ABL2: variants seen among roughly 807,000 people sequenced by gnomAD.
The protein encoded by ABL2 is ABL proto-oncogene 2, non-receptor tyrosine kinase, also known as tyrosine-protein kinase ABL2.
In ABL2, 49 loss-of-function variants were observed where a neutral mutation model predicts 107.7. The ratio of observed to expected loss-of-function variants is 0.45; its 90% CI spans 0.36 to 0.58. The LOEUF (loss-of-function observed/expected upper bound fraction) is 0.58, where lower values mean the gene tolerates loss of function less well. Among genes scored for constraint, ABL2 ranks in the 20% least tolerant of loss-of-function variants. The probability of loss-of-function intolerance (pLI) is 0.00; values close to 1 mark genes in which losing one functional copy is unlikely to be tolerated. For synonymous variants in ABL2, 549 were observed against 548.6 expected, an observed-to-expected ratio of 1.00 and a Z score of -0.01; for missense variants, 1,245 against 1,457.0, an observed-to-expected ratio of 0.85 and a Z score of 2.37.
chr1:179,103,557 C>T lies in ABL2; in HGVS notation c.*4161G>A. The T allele has an allele frequency of 4.6e-6, 1 of 216,614 alleles. No individual in the cohort carries two copies. Among genetic ancestry groups the T allele is most frequent in the African/African-American group, 2.2e-5 (1 of 44,460 alleles). The allele number at this position is 216,614 out of a possible 1,614,324, so 13.4% of individuals were successfully genotyped here. A position where few individuals can be genotyped will look rare whatever the true frequency, so the allele number is the denominator to read the frequency against. ...TTTCTTTACTACAAAGTGCACATTGCTGTGTTGCTGAGGTCTGTCCAAAAG... is the reference window on the plus strand; with the variant it reads ...TTTCTTTACTACAAAGTGCACATTGTTGTGTTGCTGAGGTCTGTCCAAAAG... On this transcript the variant is annotated 3_prime_UTR_variant, in exon 12 of 12. Coordinates refer to ENST00000502732, the MANE Select transcript of ABL2 (RefSeq NM_007314.4).
chr1:179,137,446 G>A (rs924230233), intron 1 of ABL2, among the ~76,000 whole-genome samples: 1 of 151,788 alleles, frequency 6.6e-6, no homozygotes, highest in African/African-American at 2.4e-5. Context: ...ATATATTTTT[G>A]CCAGTGACAC....
At chr1:179,218,014 G>A (rs1011827154) in intron 1 of ABL2, among the ~76,000 whole-genome samples, 3 of 152,024 alleles carry the variant, frequency 2.0e-5, no homozygotes, top group African/African-American at 7.2e-5. Flanking sequence ...GAGCAACGAG[G>A]GTTTTATGAG....
intron 1 of ABL2, among the ~76,000 whole-genome samples, chr1:179,198,559 G>A (rs978088715): frequency 2.1e-4 from 32 of 151,506 alleles, no homozygotes; most frequent in African/African-American, 7.0e-4. Context: ...CAGGCGTGGT[G>A]TCAGGCACCT....
chr1:179,228,849 C>T (rs1441676161), intron 1 of ABL2, among the ~76,000 whole-genome samples: 2 of 152,160 alleles, frequency 1.3e-5, no homozygotes, highest in African/African-American at 4.8e-5. Flanking sequence ...TAGGATACAA[C>T]CCATTTCCCC....
intron 1 of ABL2, among the ~76,000 whole-genome samples, chr1:179,136,745 A>AAAT (rs1657050999): frequency 7.3e-6 from 1 of 137,152 alleles, no homozygotes; most frequent in African/African-American, 2.6e-5. Flanking sequence ...AATAAATAAA[A>AAAT]ATAAAAATAA....
At chr1:179,140,585 T>C (rs1356102768) in intron 1 of ABL2, among the ~76,000 whole-genome samples, 1 of 152,188 alleles carries the variant, frequency 6.6e-6, no homozygotes, top group Non-Finnish European at 1.5e-5. Context: ...TCCAGAACAG[T>C]GTCTACATAT....
In ABL2 at chr1:179,131,422, T is replaced by A. The variant is rs766612998; in HGVS notation, c.280A>T (p.Arg94Trp). 4.3e-6 allele frequency: 7 copies of A among 1,613,996 alleles called. No individual in the cohort carries two copies. Residue 94 changes from arginine (R) to tryptophan (W), a missense_variant, in exon 3 of 12, where the codon AGG (arginine) becomes TGG (tryptophan). By Grantham distance (101) the Arg-to-Trp change is moderately radical. Around this residue, in one of 3 missense-constraint regions of ABL2, gnomAD observed 164 missense variants for 143.7 expected, o/e 1.14. Transcript: ENST00000502732. Reference sequence around the variant, plus strand: ...AGCAAGTTCTCCTTGGAGCTCCACCTGATAGCCTCATTTAGTGCCTGGGGT... The same window carrying A: ...AGCAAGTTCTCCTTGGAGCTCCACCAGATAGCCTCATTTAGTGCCTGGGGT... The part of the protein sequence containing the change: ...VEPQALNEAI[R>W]WSSKENLLGA...
chr1:179,226,683 C>A (rs1168718253), intron 1 of ABL2, among the ~76,000 whole-genome samples: 1 of 152,044 alleles, frequency 6.6e-6, no homozygotes. Flanking sequence ...ATACTATGTG[C>A]CCAGCCACTA....
intron 7 of ABL2, among the ~76,000 whole-genome samples, chr1:179,117,760 A>G (rs1358485371): frequency 6.6e-6 from 1 of 152,200 alleles, no homozygotes; most frequent in Non-Finnish European, 1.5e-5. Flanking sequence ...ACACTGGGAT[A>G]GGTGAGCAAT....
rs2102576421 is a variant in ABL2, at chr1:179,108,614, C to T, written c.2653G>A (p.Ala885Thr). The T allele has an allele frequency of 6.2e-7, 1 of 1,614,150 alleles. No individual in the cohort carries two copies. Among genetic ancestry groups the T allele is most frequent in the Non-Finnish European group, 8.5e-7 (1 of 1,180,014 alleles). Residue 885 changes from alanine (A) to threonine (T), a missense_variant, in exon 12 of 12, where the codon GCA (alanine) becomes ACA (threonine). By Grantham distance (58) the Ala-to-Thr change is moderately conservative. Around this residue, in one of 3 missense-constraint regions of ABL2, gnomAD observed 761 missense variants for 766.4 expected, o/e 0.99. Coordinates refer to ENST00000502732, the MANE Select transcript of ABL2 (RefSeq NM_007314.4). ...TTCTCTTTACCCTTGGGGGCAGCTG[C>T]CACTCCAGCCACTCCCACCCCTGGA... ...DPPGVGVAGV[A>T]AAPKGKEKNG...
At chr1:179,131,243 C>A in intron 3 of ABL2, 68 bp downstream of exon 3, 2 of 1,537,908 alleles carry the variant, frequency 1.3e-6, no homozygotes, top group South Asian at 2.4e-5. Flanking sequence ...TGTGCCTGGC[C>A]AGGCCCCTTT....
intron 1 of ABL2, among the ~76,000 whole-genome samples, chr1:179,198,024 A>C (rs1446986560): frequency 1.3e-5 from 2 of 151,500 alleles, no homozygotes; most frequent in African/African-American, 4.9e-5. Flanking sequence ...AAATATAAAA[A>C]TTAGCTGGCG....
chr1:179,219,324 G>A (rs1257246642), intron 1 of ABL2, among the ~76,000 whole-genome samples: 2 of 152,078 alleles, frequency 1.3e-5, no homozygotes, highest in Non-Finnish European at 2.9e-5. Flanking sequence ...GATTACAGAC[G>A]TGAGCTACCA....
chr1:179,208,189 T>A (rs1476309344), intron 1 of ABL2, among the ~76,000 whole-genome samples: 2 of 152,180 alleles, frequency 1.3e-5, no homozygotes, highest in East Asian at 1.9e-4. Context: ...GGGGTACATG[T>A]GCAGATTTGT....
chr1:179,203,721 T>A (rs2066279), intron 1 of ABL2, among the ~76,000 whole-genome samples: 52,619 of 152,032 alleles, frequency 0.35, 9,514 homozygotes, highest in East Asian at 0.48. Context: ...TCATTTAGTA[T>A]GAAATTGGGA....
At chr1:179,184,231 C>T (rs764825869) in intron 1 of ABL2, 4 of 511,398 alleles carry the variant, frequency 7.8e-6, no homozygotes, top group Non-Finnish European at 1.4e-5. Flanking sequence ...GATACTAAGT[C>T]AGGTTACAGA....
chr1:179,208,966 G>C (rs1365341694), intron 1 of ABL2, among the ~76,000 whole-genome samples: 1 of 152,094 alleles, frequency 6.6e-6, no homozygotes, highest in Non-Finnish European at 1.5e-5. Context: ...GCAAAAAATA[G>C]GCACTAACAA....
rs1282809646 is a variant in ABL2 at position 179,104,750 on chromosome 1, A to G, written c.*2968T>C. On this transcript the variant is annotated 3_prime_UTR_variant, in exon 12 of 12. Coordinates refer to ENST00000502732, the MANE Select transcript of ABL2 (RefSeq NM_007314.4). ...TGAAGTAATATTATCTGTACATGAA[A>G]GGAATCAAGCAGTGGCAGCCCAAAG... is the stretch of plus-strand genomic sequence containing the variant. 9.2e-6 allele frequency: 2 copies of G among 217,490 alleles called. No homozygotes were observed. The highest frequency in any genetic ancestry group is 1.9e-5 in the Non-Finnish European group (2 of 108,066). 13.5% of individuals were successfully genotyped at this position (217,490 alleles called of 1,614,324 possible). A position where few individuals can be genotyped will look rare whatever the true frequency, so the allele number is the denominator to read the frequency against.
At chr1:179,110,246 T>C in intron 11 of ABL2, 36 bp downstream of exon 11, 1 of 1,612,296 alleles carries the variant, frequency 6.2e-7, no homozygotes. Context: ...AACAAGGCAG[T>C]TTCTATTTTG....
Sources: gnomAD v4.1 joint callset for allele counts (sites outside exome capture counted in the v4.1 genomes callset) on GRCh38, gnomAD v4.1.1 for gene constraint, gnomAD v4.1.1 regional missense constraint, MANE v1.5 for transcripts, NCBI Gene and HGNC (gene_info 2026-07-23, HGNC 2026-07-21) for gene names.